LAMA1: variants seen among roughly 807,000 people sequenced by gnomAD.
The protein encoded by LAMA1 is laminin subunit alpha 1.
In LAMA1, 219 loss-of-function variants were observed where a neutral mutation model predicts 348.7. The ratio of observed to expected loss-of-function variants is 0.63; its 90% confidence interval spans 0.56 to 0.70. The LOEUF (loss-of-function observed/expected upper bound fraction) is 0.70. Among genes scored for constraint, LAMA1 ranks in the 30% least tolerant of loss-of-function variants. The pLI, the probability that LAMA1 is intolerant of heterozygous loss-of-function variation, is 0.00. For synonymous variants in LAMA1, 1,487 were observed against 1,491.0 expected (o/e 1.00, Z 0.06); for missense variants, 3,744 against 3,888.0 (o/e 0.96, Z 0.99).
intron 3 of LAMA1, among the ~76,000 whole-genome samples, chr18:7,071,444 ATATAAACCTCAAACAT>A (rs1162224551): frequency 6.6e-6 from 1 of 152,234 alleles, no homozygotes; most frequent in Non-Finnish European, 1.5e-5. Context: ...TAAATTTGTC[ATATAAACCTCAAACAT>A]GATTGATACT....
chr18:7,003,657 C>A (rs2057818839), intron 29 of LAMA1, among the ~76,000 whole-genome samples: 1 of 152,140 alleles, frequency 6.6e-6, no homozygotes, highest in Non-Finnish European at 1.5e-5. Context: ...ATTTACTCAG[C>A]CACTGGGCAC....
chr18:6,950,672 G>A (rs948867812), intron 58 of LAMA1, 110 bp downstream of exon 58: 33 of 1,247,110 alleles, frequency 2.6e-5, no homozygotes, highest in Middle Eastern at 2.6e-4. Flanking sequence ...AGACACACAC[G>A]GCGAGATAGA....
At chr18:7,044,111 C>A (rs1251515471) in intron 7 of LAMA1, among the ~76,000 whole-genome samples, 2 of 140,486 alleles carry the variant, frequency 1.4e-5, no homozygotes, top group African/African-American at 5.4e-5. Context: ...TGCAGTGAGC[C>A]GAGATCGCGC....
At chr18:6,950,623 T>A (rs1262683941) in intron 58 of LAMA1, among the ~76,000 whole-genome samples, 159 bp downstream of exon 58, 1 of 152,112 alleles carries the variant, frequency 6.6e-6, no homozygotes, top group Non-Finnish European at 1.5e-5. Flanking sequence ...GCAGAAAAGA[T>A]CCCTGCCTTC....
chr18:6,949,155 A>T lies in LAMA1; in HGVS notation c.8502T>A (p.Gly2834=). The T allele has an allele frequency of 1.9e-6, 3 of 1,613,866 alleles. No homozygotes were observed. The highest frequency in any genetic ancestry group is 2.5e-6 in the Non-Finnish European group (3 of 1,179,962). ...VGDGTMLDVE[G]LFYLGGLPSQ... ...AGGGCAGGCCTCCTAGGTAGAACAA[A>T]CCCTCCACATCCAGCATGGTTCCAT... is the stretch of plus-strand genomic sequence containing the variant. Residue 2834 remains glycine, a synonymous_variant, in exon 59 of 63, where the codon GGT becomes GGA. Transcript: ENST00000389658.
In LAMA1 at chr18:6,956,733, T is replaced by C; in HGVS notation, c.7997A>G (p.Glu2666Gly). ...LLDFNSAVGHEQVDLDTCWLS... is the reference protein window; with the variant it reads ...LLDFNSAVGHGQVDLDTCWLS... ...CCAGCAGGTGTCCAGGTCGACTTGC[T>C]CATGGCCAACTGCACTGTTGAAATC... Residue 2666 changes from glutamate to glycine, a missense_variant, in exon 56 of 63, where the codon GAG becomes GGG. Around this residue, in one of 3 missense-constraint regions of LAMA1, gnomAD observed 1,983 missense variants for 1,934.3 expected, o/e 1.03. Transcript: ENST00000389658. The C allele has an allele frequency of 6.2e-7, 1 of 1,614,182 alleles. No individual in the cohort carries two copies. Among genetic ancestry groups the C allele is most frequent in the Non-Finnish European group, 8.5e-7 (1 of 1,180,038 alleles).
chr18:7,048,754 T>C (rs960354633), intron 5 of LAMA1, among the ~76,000 whole-genome samples: 1 of 152,162 alleles, frequency 6.6e-6, no homozygotes, highest in Non-Finnish European at 1.5e-5. Flanking sequence ...AAATTTGATA[T>C]GAAAGAAAAT....
chr18:7,007,040 C>T, intron 29 of LAMA1, 99 bp downstream of exon 29: 1 of 1,518,770 alleles, frequency 6.6e-7, no homozygotes, highest in Non-Finnish European at 9.0e-7. Context: ...TTTAACCTCT[C>T]ACTAAACCAA....
Position 7,050,959 on chromosome 18 carries a change from T to C in LAMA1, c.346-23A>G, listed in dbSNP as rs1207321802. ...GACCTGAAACAAAGACACTGAAAAG[T>C]CTCAATCCAGAATCAATACAAGCCA... On this transcript the variant is annotated intron_variant, in intron 3 of 62. Coordinates refer to ENST00000389658, the MANE Select transcript of LAMA1 (RefSeq NM_005559.4). 7 of 1,613,254 alleles carry C rather than the reference T, an allele frequency of 4.3e-6. No homozygotes were observed. The Admixed American group carries it at 1.2e-4, about 27-fold the overall frequency.
intron 3 of LAMA1, among the ~76,000 whole-genome samples, chr18:7,061,976 G>C (rs1001091202): frequency 2.0e-5 from 3 of 152,204 alleles, no homozygotes; most frequent in Non-Finnish European, 2.9e-5. Context: ...GAGGACAGGT[G>C]GGGGAGGGGT....
At chr18:7,093,019 T>A (rs1212578437) in intron 1 of LAMA1, among the ~76,000 whole-genome samples, 1 of 152,150 alleles carries the variant, frequency 6.6e-6, no homozygotes, top group Non-Finnish European at 1.5e-5. Context: ...GCAAGCAACA[T>A]AAAGTATACC....
At position 7,023,231 on chromosome 18, in the gene LAMA1, A is replaced by G; in HGVS notation, c.2634T>C (p.Asp878=). 3 of 1,613,954 alleles carry G rather than the reference A, an allele frequency of 1.9e-6. No homozygotes were observed. The highest frequency in any genetic ancestry group is 1.7e-6 in the Non-Finnish European group (2 of 1,180,010). The change falls in exon 19 of 63, where the codon GAT becomes GAC. Residue 878 remains aspartate, a synonymous_variant. Coordinates refer to ENST00000389658, the MANE Select transcript of LAMA1 (RefSeq NM_005559.4). ...CAGCACACCTTTCACAGTGGGCGCCATCTGTGTTCCCCAGGCACTTCAGGC... is the reference window on the plus strand; with the variant it reads ...CAGCACACCTTTCACAGTGGGCGCCGTCTGTGTTCCCCAGGCACTTCAGGC... ...GECLKCLGNT[D]GAHCERCADG... is the part of the protein sequence containing the mutation.
intron 3 of LAMA1, chr18:7,079,621 A>C: frequency 2.8e-6 from 1 of 357,042 alleles, no homozygotes; most frequent in Non-Finnish European, 5.4e-6. Flanking sequence ...GTAAGCTAAA[A>C]GTTAGGAAAT....
chr18:7,099,511 C>T (rs2058282740), intron 1 of LAMA1, among the ~76,000 whole-genome samples: 2 of 148,836 alleles, frequency 1.3e-5, no homozygotes, highest in African/African-American at 4.9e-5. Context: ...AATGAACTTA[C>T]ACCCTGACTC....
chr18:6,968,461 C>T (rs1390063335), intron 48 of LAMA1, among the ~76,000 whole-genome samples: 3 of 152,186 alleles, frequency 2.0e-5, no homozygotes, highest in Non-Finnish European at 4.4e-5. Flanking sequence ...AGGCATTTTC[C>T]CCTACGCCAT....
chr18:6,974,671 C>T (rs1304619197), intron 46 of LAMA1, among the ~76,000 whole-genome samples: 2 of 152,014 alleles, frequency 1.3e-5, no homozygotes, highest in Non-Finnish European at 2.9e-5. Flanking sequence ...TGGTCTCGAA[C>T]TCCTGACCTC....
At chr18:7,111,703 T>C (rs2058336748) in intron 1 of LAMA1, among the ~76,000 whole-genome samples, 3 of 152,240 alleles carry the variant, frequency 2.0e-5, no homozygotes, top group African/African-American at 4.8e-5. Context: ...TGGATGCATA[T>C]TGATATTTTA....
At chr18:6,966,642 C>A (rs1233351786) in intron 48 of LAMA1, among the ~76,000 whole-genome samples, 1 of 151,988 alleles carries the variant, frequency 6.6e-6, no homozygotes, top group Non-Finnish European at 1.5e-5. Flanking sequence ...ACTCTGGTGC[C>A]TTCAGAATAA....
intron 1 of LAMA1, among the ~76,000 whole-genome samples, chr18:7,102,572 G>A (rs1413313663): frequency 3.9e-5 from 6 of 152,170 alleles, no homozygotes; most frequent in African/African-American, 1.4e-4. Context: ...TTCTCTTTCT[G>A]TTGACGATGA....
Sources: allele counts gnomAD v4.1 joint callset (sites outside exome capture counted in the v4.1 genomes callset), GRCh38; gene constraint gnomAD v4.1.1; regional missense constraint gnomAD v4.1.1; transcripts MANE v1.5; gene names NCBI Gene and HGNC (gene_info 2026-07-23, HGNC 2026-07-21).